TMEM132E: variants seen among roughly 807,000 people sequenced by gnomAD.
TMEM132E encodes the protein transmembrane protein 132E.
A neutral mutation model predicts 78.5 loss-of-function variants in TMEM132E; 49 were observed. The ratio of observed to expected loss-of-function variants is 0.62; its 90% CI spans 0.50 to 0.79. TMEM132E has a LOEUF of 0.79. Among genes scored for constraint, TMEM132E ranks in the 30% least tolerant of loss-of-function variants. The pLI, the probability that TMEM132E is intolerant of heterozygous loss-of-function variation, is 0.00. For missense variants in TMEM132E, 1,403 were observed against 1,470.9 expected, an observed-to-expected ratio of 0.95 and a Z score of 0.75; for synonymous variants, 715 against 670.6, an observed-to-expected ratio of 1.07 and a Z score of -1.02.
At chr17:34,636,575 AG>A (rs1454054744) in intron 8 of TMEM132E, among the ~76,000 whole-genome samples, 1 of 152,020 alleles carries the variant, frequency 6.6e-6, no homozygotes, top group African/African-American at 2.4e-5. Flanking sequence ...CTGGGGAGTG[AG>A]GAGGTGACAG....
intron 1 of TMEM132E, among the ~76,000 whole-genome samples, chr17:34,612,297 A>G (rs571420031): frequency 2.6e-5 from 4 of 152,316 alleles, no homozygotes; most frequent in Admixed American, 2.0e-4. Context: ...GCAGAAAGGA[A>G]GTGGTCAATT....
intron 1 of TMEM132E, among the ~76,000 whole-genome samples, chr17:34,595,395 A>C (rs1218286572): frequency 6.6e-6 from 1 of 152,184 alleles, no homozygotes; most frequent in Non-Finnish European, 1.5e-5. Context: ...CAGGACAGAT[A>C]CTCTGATTAT....
chr17:34,599,980 G>A (rs1227682488), intron 1 of TMEM132E, among the ~76,000 whole-genome samples: 1 of 152,228 alleles, frequency 6.6e-6, no homozygotes, highest in Non-Finnish European at 1.5e-5. Flanking sequence ...CCCTGGTGGG[G>A]AGGGGGGCTT....
rs929827394 is a variant in TMEM132E, at chr17:34,626,054, C to T, written c.68-73C>T. 56 of 1,363,418 alleles carry T rather than the reference C, an allele frequency of 4.1e-5. No individual in the cohort carries two copies. The African/African-American group carries it at 7.1e-4, about 17-fold the overall frequency. 84.5% of individuals were successfully genotyped at this position (1,363,418 alleles called of 1,614,324 possible). On this transcript the variant is annotated intron_variant, in intron 1 of 8. Transcript: ENST00000631683. Reference sequence around the variant, plus strand: ...CCCTCTGTGGGGTGGGAGAGACGAGCCTGGGGGCACCCTGGGGTCCCAGCG... The same window carrying T: ...CCCTCTGTGGGGTGGGAGAGACGAGTCTGGGGGCACCCTGGGGTCCCAGCG...
chr17:34,625,992 AGCCAGGCTGAACCT>A, intron 1 of TMEM132E, 121 bp from the exon 2 acceptor site: 6 of 817,112 alleles, frequency 7.3e-6, no homozygotes, highest in Non-Finnish European at 1.1e-5. Context: ...GAGGATGGAC[AGCCAGGCTGAACCT>A]GCCCAGCTAG....
At chr17:34,604,737 T>C (rs1382500095) in intron 1 of TMEM132E, among the ~76,000 whole-genome samples, 4 of 152,210 alleles carry the variant, frequency 2.6e-5, no homozygotes, top group Admixed American at 2.6e-4. Flanking sequence ...AGGGAAAGAA[T>C]GCATTTTGAG....
intron 8 of TMEM132E, 145 bp from the exon 9 acceptor site, chr17:34,637,032 C>G: frequency 1.4e-6 from 1 of 713,596 alleles, no homozygotes; most frequent in Non-Finnish European, 2.3e-6. Context: ...ATGCCCGCCA[C>G]AGGTCACAGG....
rs1422156097 is a variant in TMEM132E, at chr17:34,626,852, C to T, written c.793C>T (p.Gln265Ter). 1 of 1,600,002 alleles carries T rather than the reference C, an allele frequency of 6.2e-7. No individual in the cohort carries two copies. Among genetic ancestry groups the T allele is most frequent in the Non-Finnish European group, 8.5e-7 (1 of 1,177,072 alleles). ...GVGARAESPT[Q>*]HPLLRIGSIS... is the part of the protein sequence containing the mutation. Reference sequence around the variant, plus strand: ...GGGGGCCCGAGCGGAAAGCCCTACCCAGCACCCCCTGCTGCGCATCGGGAG... The same window carrying T: ...GGGGGCCCGAGCGGAAAGCCCTACCTAGCACCCCCTGCTGCGCATCGGGAG... Residue 265 changes from glutamine (Q) to a stop codon, truncating the protein, a stop_gained, in exon 2 of 9, where the codon CAG (glutamine) becomes TAG (stop). Coordinates refer to ENST00000631683, the MANE Select transcript of TMEM132E (RefSeq NM_001304438.2). LOFTEE classifies it high-confidence loss of function.
At chr17:34,604,561 C>A (rs1697030050) in intron 1 of TMEM132E, among the ~76,000 whole-genome samples, 1 of 152,062 alleles carries the variant, frequency 6.6e-6, no homozygotes, top group Non-Finnish European at 1.5e-5. Flanking sequence ...CCTCTCCCTC[C>A]ACACATGTGC....
intron 1 of TMEM132E, among the ~76,000 whole-genome samples, chr17:34,587,204 ACGGGGC>A (rs1373714396): frequency 6.6e-6 from 1 of 152,096 alleles, no homozygotes. Flanking sequence ...ATCAGACCCC[ACGGGGC>A]CCTGGCCCTG....
chr17:34,639,261 A>T lies in TMEM132E; in HGVS notation c.*1029A>T, dbSNP rs1483963996. 3 of 152,616 alleles carry T rather than the reference A, an allele frequency of 2.0e-5. No homozygotes were observed. Among genetic ancestry groups the T allele is most frequent in the African/African-American group, 7.2e-5 (3 of 41,452 alleles). The allele number at this position is 152,616 out of a possible 1,614,324, so 9.5% of individuals were successfully genotyped here. A position where few individuals can be genotyped will look rare whatever the true frequency, so the allele number is the denominator to read the frequency against. ...CCACCACTGTGTCGGATTTTTCTTA[A>T]ATAAATGGAAGCGGTCAGACTGGAG... On this transcript the variant is annotated 3_prime_UTR_variant, in exon 9 of 9. Transcript: ENST00000631683.
Position 34,637,877 on chromosome 17 carries a change from C to G in TMEM132E, c.2870C>G (p.Pro957Arg). The change falls in exon 9 of 9, where the codon CCG becomes CGG. Residue 957 changes from proline to arginine, a missense_variant. Pro to Arg is a moderately radical substitution (Grantham distance 103, BLOSUM62 -2). Around this residue, in one of 3 missense-constraint regions of TMEM132E, gnomAD observed 888 missense variants for 952.8 expected, o/e 0.93. Transcript: ENST00000631683. Reference protein sequence around the residue: ...QGELSPPAGNPLETVPAFCHG... With the variant: ...QGELSPPAGNRLETVPAFCHG... Reference sequence around the variant, plus strand: ...GAGCTGTCGCCGCCAGCAGGCAACCCGCTGGAAACCGTGCCCGCCTTCTGC... The same window carrying G: ...GAGCTGTCGCCGCCAGCAGGCAACCGGCTGGAAACCGTGCCCGCCTTCTGC... The G allele has an allele frequency of 6.2e-7, 1 of 1,607,992 alleles. No homozygotes were observed. Among genetic ancestry groups the G allele is most frequent in the Non-Finnish European group, 8.5e-7 (1 of 1,178,798 alleles).
intron 1 of TMEM132E, among the ~76,000 whole-genome samples, chr17:34,616,181 G>A (rs1906772935): frequency 6.6e-6 from 1 of 152,206 alleles, no homozygotes; most frequent in African/African-American, 2.4e-5. Context: ...AACCAGAGCT[G>A]CTGGGAGTCA....
chr17:34,610,397 G>T (rs149028040), intron 1 of TMEM132E, among the ~76,000 whole-genome samples: 1 of 152,168 alleles, frequency 6.6e-6, no homozygotes, highest in Admixed American at 6.5e-5. Flanking sequence ...TGAAAGGCGC[G>T]GTCTCTGCCC....
intron 1 of TMEM132E, among the ~76,000 whole-genome samples, chr17:34,611,281 C>T (rs1321639094): frequency 6.6e-6 from 1 of 152,118 alleles, no homozygotes; most frequent in Non-Finnish European, 1.5e-5. Context: ...ACAAAGGAAA[C>T]ACTTGTGGAA....
chr17:34,613,211 A>ACACACACACGCGCG lies in TMEM132E; in HGVS notation c.68-12915_68-12914insACACACACGCGCGC. ...CACACACACACCCACACACACACAC[A>ACACACACACGCGCG]CGCGCGCGCGCGCGCGTTCTTACAT... On this transcript the variant is annotated intron_variant, in intron 1 of 8. Coordinates refer to ENST00000631683, the MANE Select transcript of TMEM132E (RefSeq NM_001304438.2). Among the ~76,000 whole-genome samples the ACACACACACGCGCG allele has an allele frequency of 6.3e-3, 733 of 115,916 alleles. 11 individuals carry two copies. Among genetic ancestry groups the ACACACACACGCGCG allele is most frequent in the East Asian group, 0.018 (53 of 2,992 alleles). The allele number at this position is 115,916 out of a possible 152,430, so 76.0% of individuals were successfully genotyped here. A position where few individuals can be genotyped will look rare whatever the true frequency, so the allele number is the denominator to read the frequency against.
intron 4 of TMEM132E, among the ~76,000 whole-genome samples, chr17:34,629,670 C>G (rs1174871986): frequency 7.2e-5 from 11 of 152,108 alleles, no homozygotes; most frequent in Non-Finnish European, 2.9e-5. Context: ...CCCAGGGCAG[C>G]TTGAATAGCC....
rs144860949 is a variant in TMEM132E at position 34,583,799 on chromosome 17, C to T, written c.67+2656C>T. On this transcript the variant is annotated intron_variant, in intron 1 of 8. Transcript: ENST00000631683. The stretch of plus-strand genomic sequence containing the variant: ...GCAGCGTGGTCTCTGGCCTTTCTTT[C>T]CCCTTTCCAGTTTCTGCCAGGACTC... Among the ~76,000 whole-genome samples, 77 of 152,314 alleles carry T rather than the reference C, an allele frequency of 5.1e-4. 1 individual carries two copies. The East Asian group carries it at 0.013, about 26-fold the overall frequency.
chr17:34,605,694 T>C (rs1906389514), intron 1 of TMEM132E, among the ~76,000 whole-genome samples: 1 of 152,154 alleles, frequency 6.6e-6, no homozygotes, highest in Non-Finnish European at 1.5e-5. Context: ...CCAAATCCCA[T>C]GGCTTGAAAC....
Sources: gnomAD v4.1 joint callset for allele counts (sites outside exome capture counted in the v4.1 genomes callset) on GRCh38, gnomAD v4.1.1 for gene constraint, gnomAD v4.1.1 regional missense constraint, MANE v1.5 for transcripts, NCBI Gene and HGNC (gene_info 2026-07-23, HGNC 2026-07-21) for gene names.